Variants in PLA2G4E observed in about 807,000 individuals in gnomAD.
PLA2G4E encodes the protein phospholipase A2 group IVE, also known as cytosolic phospholipase A2 epsilon.
Under a neutral mutation model 109.1 loss-of-function variants are expected in PLA2G4E, and 84 were observed. That is an observed-to-expected ratio of 0.77 (90% CI 0.65 to 0.92). The LOEUF (loss-of-function observed/expected upper bound fraction) is 0.92, where lower values mean the gene tolerates loss of function less well. Among genes scored for constraint, PLA2G4E ranks in the 40% least tolerant of loss-of-function variants. The probability of loss-of-function intolerance (pLI) is 0.00; values close to 1 mark genes in which losing one functional copy is unlikely to be tolerated. For missense variants in PLA2G4E, 1,057 were observed against 1,076.6 expected, an observed-to-expected ratio of 0.98 and a Z score of 0.25; for synonymous variants, 469 against 436.1, an observed-to-expected ratio of 1.08 and a Z score of -0.94.
chr15:42,029,843 C>T (rs1256539165), intron 1 of PLA2G4E, among the ~76,000 whole-genome samples: 1 of 152,190 alleles, frequency 6.6e-6, no homozygotes, highest in Non-Finnish European at 1.5e-5. Flanking sequence ...ATCCACAGTA[C>T]AGTAACATCA....
intron 1 of PLA2G4E, among the ~76,000 whole-genome samples, chr15:42,044,137 G>A (rs1250542096): frequency 6.6e-6 from 1 of 152,188 alleles, no homozygotes; most frequent in Non-Finnish European, 1.5e-5. Flanking sequence ...CTCTTGGGAA[G>A]CTTCTAGTGA....
At chr15:41,981,886 G>A (rs988005662) in exon 20 of PLA2G4E, 1 of 152,190 alleles carries the variant, frequency 6.6e-6, no homozygotes, top group African/African-American at 2.4e-5. Flanking sequence ...GCTCAAGGGA[G>A]CACTGATTCA....
At chr15:42,039,191 C>G (rs1021280003) in intron 1 of PLA2G4E, among the ~76,000 whole-genome samples, 1 of 152,162 alleles carries the variant, frequency 6.6e-6, no homozygotes, top group African/African-American at 2.4e-5. Flanking sequence ...TTATCCAAAG[C>G]TACAAGACTA....
chr15:42,049,611 G>T (rs1209398086), intron 1 of PLA2G4E, among the ~76,000 whole-genome samples: 1 of 152,168 alleles, frequency 6.6e-6, no homozygotes, highest in African/African-American at 2.4e-5. Context: ...CCGTGGTTGG[G>T]GCTCAGGATG....
intron 1 of PLA2G4E, among the ~76,000 whole-genome samples, chr15:42,028,994 A>C (rs946871334): frequency 1.3e-5 from 2 of 152,170 alleles, no homozygotes; most frequent in African/African-American, 4.8e-5. Flanking sequence ...AATGTAGGTA[A>C]TGTTTGTATT....
In PLA2G4E at chr15:42,043,584, AC is replaced by A. The variant is rs1430864939; in HGVS notation, c.183+6936del. 1.4e-3 allele frequency among the ~76,000 whole-genome samples: 187 copies of A among 133,516 alleles called. 1 individual carries two copies. The highest frequency in any genetic ancestry group is 1.7e-3 in the Admixed American group (22 of 13,188). 87.6% of individuals were successfully genotyped at this position (133,516 alleles called of 152,430 possible). ...GGATACAAAAAAAAAAAAAAAAAAA[AC>A]AACCACAAACCAAAGAGGCCAGTGA... On this transcript the variant is annotated intron_variant, in intron 1 of 19. Transcript: ENST00000399518.
intron 10 of PLA2G4E, 25 bp downstream of exon 10, chr15:41,999,499 C>T (rs1451306508): frequency 1.3e-6 from 2 of 1,540,044 alleles, no homozygotes; most frequent in Admixed American, 1.7e-5. Flanking sequence ...AAGTGAGAGG[C>T]ACGGACAGAA....
exon 1 of PLA2G4E, chr15:42,050,623 T>C (rs1284485792): frequency 6.4e-7 from 1 of 1,550,606 alleles, no homozygotes; most frequent in Non-Finnish European, 8.7e-7. Context: ...ACCTGCTGCC[T>C]TCTTCATCCG....
intron 17 of PLA2G4E, 90 bp from the exon 18 acceptor site, chr15:41,986,095 G>A: frequency 2.1e-6 from 3 of 1,399,436 alleles, no homozygotes; most frequent in Non-Finnish European, 2.9e-6. Context: ...GCCCTGTCTG[G>A]AGCATCCTTC....
intron 1 of PLA2G4E, among the ~76,000 whole-genome samples, chr15:42,023,775 A>G (rs998020754): frequency 2.0e-5 from 3 of 152,108 alleles, no homozygotes; most frequent in African/African-American, 7.2e-5. Flanking sequence ...GCCCAGCCAC[A>G]AACCCCCACT....
At chr15:41,992,933 G>A (rs767720260) in exon 13 of PLA2G4E, 1 of 1,613,412 alleles carries the variant, frequency 6.2e-7, no homozygotes, top group Admixed American at 1.7e-5. Flanking sequence ...GGACCAGTCA[G>A]GGTCACGGTA....
At chr15:42,048,769 C>T (rs1415190630) in intron 1 of PLA2G4E, among the ~76,000 whole-genome samples, 1 of 152,238 alleles carries the variant, frequency 6.6e-6, no homozygotes, top group Non-Finnish European at 1.5e-5. Flanking sequence ...AGGAGCTTGT[C>T]TGAGGTTACA....
At chr15:42,010,851 A>G (rs7182552) in intron 2 of PLA2G4E, among the ~76,000 whole-genome samples, 18,658 of 140,016 alleles carry the variant, frequency 0.13, 1,386 homozygotes, top group South Asian at 0.34. Context: ...TCAGCCCTGA[A>G]TCTTGAGTAT....
At chr15:42,039,688 A>T (rs1349338950) in intron 1 of PLA2G4E, among the ~76,000 whole-genome samples, 1 of 152,150 alleles carries the variant, frequency 6.6e-6, no homozygotes, top group Non-Finnish European at 1.5e-5. Flanking sequence ...AAACAAGATC[A>T]CATGCAAAAT....
exon 20 of PLA2G4E, chr15:41,981,586 C>T (rs1352661744): frequency 6.6e-6 from 1 of 152,186 alleles, no homozygotes; most frequent in Non-Finnish European, 1.5e-5. Context: ...GCAGCATTCA[C>T]CCACATGGCC....
chr15:41,985,984 G>T, exon 18 of PLA2G4E: 2 of 1,598,510 alleles, frequency 1.3e-6, no homozygotes, highest in East Asian at 2.3e-5. Context: ...CAGCTGGTTT[G>T]GGAAACCATC....
At chr15:41,985,535 G>T (rs1031233701) in intron 18 of PLA2G4E, among the ~76,000 whole-genome samples, 1 of 152,196 alleles carries the variant, frequency 6.6e-6, no homozygotes, top group Admixed American at 6.5e-5. Context: ...CTCTACTAAG[G>T]TTATTTTTAA....
chr15:42,034,814 G>C (rs1432077670), intron 1 of PLA2G4E, among the ~76,000 whole-genome samples: 1 of 152,226 alleles, frequency 6.6e-6, no homozygotes, highest in African/African-American at 2.4e-5. Context: ...GATCTGGACT[G>C]CTAGATCCAG....
At chr15:42,049,948 A>G (rs919054686) in intron 1 of PLA2G4E, among the ~76,000 whole-genome samples, 1 of 152,212 alleles carries the variant, frequency 6.6e-6, no homozygotes, top group Non-Finnish European at 1.5e-5. Context: ...TCAATTTACC[A>G]GATGGGAATT....
Sources: allele counts gnomAD v4.1 joint callset (sites outside exome capture counted in the v4.1 genomes callset), GRCh38; gene constraint gnomAD v4.1.1; transcripts MANE v1.5; gene names NCBI Gene and HGNC (gene_info 2026-07-23, HGNC 2026-07-21).